The following FARS2 variants were observed in gnomAD, a reference collection of about 807,000 sequenced individuals.
FARS2 encodes phenylalanyl-tRNA synthetase 2, mitochondrial.
A neutral mutation model predicts 46.4 loss-of-function variants in FARS2; 40 were observed. The observed-to-expected ratio is 0.86, with a 90% CI of 0.67 to 1.12. The LOEUF (loss-of-function observed/expected upper bound fraction) is 1.12, where lower values mean the gene tolerates loss of function less well. Ranked by LOEUF, FARS2 falls within the 50% of genes most tolerant of loss-of-function variation. The pLI, the probability that FARS2 is intolerant of heterozygous loss-of-function variation, is 0.00. For missense variants in FARS2, 513 were observed against 567.9 expected (o/e 0.90, Z 0.98); for synonymous variants, 234 against 214.9 (o/e 1.09, Z -0.78).
intron 1 of FARS2, among the ~76,000 whole-genome samples, chr6:5,278,971 TA>T (rs1206935323): frequency 2.0e-5 from 3 of 152,174 alleles, no homozygotes; most frequent in Admixed American, 2.0e-4. Context: ...CTACTGTCCA[TA>T]CTGTTCAGAG....
At chr6:5,353,195 G>A (rs186567225) in intron 1 of FARS2, among the ~76,000 whole-genome samples, 3 of 152,148 alleles carry the variant, frequency 2.0e-5, no homozygotes, top group East Asian at 1.9e-4. Context: ...TTAACATAAT[G>A]TGCTATAGAT....
At chr6:5,251,020 C>T in the FARS2 span, among the ~76,000 whole-genome samples, 3 of 152,216 alleles carry the variant, frequency 2.0e-5, no homozygotes, top group Admixed American at 6.5e-5. Context: ...CTCCACTGTT[C>T]GGGCACTATT....
intron 6 of FARS2, among the ~76,000 whole-genome samples, chr6:5,625,265 A>T (rs1343406228): frequency 2.0e-5 from 3 of 152,288 alleles, no homozygotes; most frequent in African/African-American, 7.2e-5. Flanking sequence ...TGAGCAGCAC[A>T]GACAGGTCTG....
intron 6 of FARS2, among the ~76,000 whole-genome samples, chr6:5,721,441 AATT>A (rs1759900652): frequency 6.6e-6 from 1 of 152,362 alleles, no homozygotes; most frequent in Admixed American, 6.5e-5. Context: ...TGAAATCTGA[AATT>A]ATATCAATGA....
chr6:5,719,450 G>GAGAGAAAGAAAGAGAAAA (rs1759741408), intron 6 of FARS2, among the ~76,000 whole-genome samples: 2 of 149,956 alleles, frequency 1.3e-5, no homozygotes, highest in South Asian at 2.1e-4. Context: ...AAGAGAGAAA[G>GAGAGAAAGAAAGAGAAAA]AGATAAAGAA....
At chr6:5,700,763 A>C (rs1274941883) in intron 6 of FARS2, among the ~76,000 whole-genome samples, 1 of 152,062 alleles carries the variant, frequency 6.6e-6, no homozygotes, top group Non-Finnish European at 1.5e-5. Context: ...GGCTTTGGAG[A>C]CAGAAATCAG....
At chr6:5,623,728 TA>T (rs374715414) in intron 6 of FARS2, among the ~76,000 whole-genome samples, 2 of 124,322 alleles carry the variant, frequency 1.6e-5, no homozygotes, top group African/African-American at 1.1e-4. Flanking sequence ...AATAAATAAA[TA>T]AAATAAAGAC....
intron 5 of FARS2, among the ~76,000 whole-genome samples, chr6:5,551,549 A>G (rs78723587): frequency 0.019 from 2,968 of 152,316 alleles, 105 homozygotes; most frequent in African/African-American, 0.068. Context: ...GTTACAAGCA[A>G]TACCTCACTT....
In FARS2 at chr6:5,707,550, A is replaced by G. The variant is rs1258396628; in HGVS notation, c.1218-63741A>G. Among the ~76,000 whole-genome samples, 11 of 152,216 alleles carry G rather than the reference A, an allele frequency of 7.2e-5. 1 individual carries two copies. Among genetic ancestry groups the G allele is most frequent in the Admixed American group, 2.6e-4 (4 of 15,280 alleles). Reference sequence around the variant, plus strand: ...AGCCAAAACTAGAGCTCAAGTCTGTATGGGTCTAGTTTAGGACTCCGGGCA... The same window carrying G: ...AGCCAAAACTAGAGCTCAAGTCTGTGTGGGTCTAGTTTAGGACTCCGGGCA... On this transcript the variant is annotated intron_variant, in intron 6 of 6. Coordinates refer to ENST00000274680, the MANE Select transcript of FARS2 (RefSeq NM_006567.5).
intron 5 of FARS2, among the ~76,000 whole-genome samples, chr6:5,571,675 T>A (rs540261440): frequency 6.6e-6 from 1 of 152,276 alleles, no homozygotes; most frequent in African/African-American, 2.4e-5. Flanking sequence ...AGTAACTCAG[T>A]CTTCTGTGAA....
chr6:5,733,917 C>G (rs1035486352), intron 6 of FARS2, among the ~76,000 whole-genome samples: 1 of 152,182 alleles, frequency 6.6e-6, no homozygotes, highest in African/African-American at 2.4e-5. Flanking sequence ...AATAGCCTTG[C>G]TATTGCAGTT....
At chr6:5,763,823 A>C (rs1035956792) in intron 6 of FARS2, among the ~76,000 whole-genome samples, 4 of 140,230 alleles carry the variant, frequency 2.9e-5, no homozygotes, top group African/African-American at 1.1e-4. Context: ...TGATTTACTT[A>C]GTTTCCAGAC....
rs576926370 is a variant in FARS2, at chr6:5,287,454, CTT to C, written c.-22+25798_-22+25799del. ...TGTTTCCTCTTTTTATCCTGATTCT[CTT>C]TTTGGCACTGAGAGTGGCCATTTTT... On this transcript the variant is annotated intron_variant, in intron 1 of 6. Coordinates refer to ENST00000274680, the MANE Select transcript of FARS2 (RefSeq NM_006567.5). Among the ~76,000 whole-genome samples, 171 of 152,274 alleles carry C rather than the reference CTT, an allele frequency of 1.1e-3. 1 individual carries two copies. Among genetic ancestry groups the C allele is most frequent in the African/African-American group, 3.7e-3 (153 of 41,554 alleles).
intron 4 of FARS2, among the ~76,000 whole-genome samples, chr6:5,513,453 C>T (rs1450133989): frequency 1.3e-5 from 2 of 152,190 alleles, no homozygotes; most frequent in African/African-American, 4.8e-5. Context: ...CATGGGAGGC[C>T]ACCTGAAGAA....
At chr6:5,575,066 T>C (rs772815861) in intron 5 of FARS2, among the ~76,000 whole-genome samples, 1 of 152,226 alleles carries the variant, frequency 6.6e-6, no homozygotes, top group East Asian at 1.9e-4. Flanking sequence ...CCAATCGCAC[T>C]ATAACTCAAA....
chr6:5,397,253 A>G (rs779522774), intron 2 of FARS2, among the ~76,000 whole-genome samples: 1 of 152,164 alleles, frequency 6.6e-6, no homozygotes, highest in Non-Finnish European at 1.5e-5. Flanking sequence ...ACACAAAGCT[A>G]GGGAAACAGT....
At chr6:5,653,441 A>C (rs915324897) in intron 6 of FARS2, among the ~76,000 whole-genome samples, 1 of 152,224 alleles carries the variant, frequency 6.6e-6, no homozygotes, top group African/African-American at 2.4e-5. Flanking sequence ...CACCTACTAC[A>C]TGGAAGGCGT....
chr6:5,552,785 G>A (rs937193350), intron 5 of FARS2, among the ~76,000 whole-genome samples: 2 of 152,134 alleles, frequency 1.3e-5, no homozygotes, highest in Non-Finnish European at 2.9e-5. Context: ...AATATGGTTG[G>A]TCTGTTATGC....
intron 1 of FARS2, among the ~76,000 whole-genome samples, chr6:5,348,372 C>T (rs11243005): frequency 0.17 from 25,596 of 151,154 alleles, 2,769 homozygotes; most frequent in East Asian, 0.48. Context: ...GCTCTGCCTG[C>T]TTCTGGCCAC....
Sources: allele counts gnomAD v4.1 joint callset (sites outside exome capture counted in the v4.1 genomes callset), GRCh38; gene constraint gnomAD v4.1.1; transcripts MANE v1.5; gene names NCBI Gene and HGNC (gene_info 2026-07-23, HGNC 2026-07-21).